The following CCDC69 variants were observed in gnomAD, a reference collection of about 807,000 sequenced individuals.
The protein encoded by CCDC69 is coiled-coil domain containing 69, also known as coiled-coil domain-containing protein 69.
Under a neutral mutation model 40.3 loss-of-function variants are expected in CCDC69, and 38 were observed. The observed-to-expected ratio is 0.94, with a 90% CI of 0.73 to 1.24. The LOEUF is 1.24. Ranked by LOEUF, CCDC69 falls within the 50% of genes most tolerant of loss-of-function variation. CCDC69 has a pLI of 0.00. For synonymous variants in CCDC69, 141 were observed against 138.9 expected, an observed-to-expected ratio of 1.02 and a Z score of -0.11; for missense variants, 389 against 357.9, an observed-to-expected ratio of 1.09 and a Z score of -0.70.
intron 1 of CCDC69, among the ~76,000 whole-genome samples, chr5:151,214,974 T>C (rs1401964495): frequency 6.6e-6 from 1 of 152,214 alleles, no homozygotes; most frequent in Non-Finnish European, 1.5e-5. Flanking sequence ...GCTCCCGTTT[T>C]CTTGTCCCAT....
intron 4 of CCDC69, among the ~76,000 whole-genome samples, chr5:151,197,609 G>T (rs568585569): frequency 1.3e-5 from 2 of 152,128 alleles, no homozygotes; most frequent in Non-Finnish European, 2.9e-5. Flanking sequence ...TCCTTTTGGG[G>T]TGATGGCACT....
At chr5:151,203,442 G>T (rs531211843) in intron 2 of CCDC69, among the ~76,000 whole-genome samples, 1 of 150,866 alleles carries the variant, frequency 6.6e-6, no homozygotes, top group Non-Finnish European at 1.5e-5. Flanking sequence ...CCTGGGAGGC[G>T]GAGGTTGCAG....
rs551332293 is a variant in CCDC69, at chr5:151,183,684, A to G, written c.714-70T>C. ...GCCACAGAGACCAACCCATTCCCCC[A>G]GGAAGCCTTCCTTAGATGGACCAGC... On this transcript the variant is annotated intron_variant, in intron 8 of 8. Coordinates refer to ENST00000355417, the MANE Select transcript of CCDC69 (RefSeq NM_015621.3). 10 of 1,426,520 alleles carry G rather than the reference A, an allele frequency of 7.0e-6. No individual in the cohort carries two copies. The African/African-American group carries it at 1.4e-4, about 20-fold the overall frequency. The allele number at this position is 1,426,520 out of a possible 1,614,324, so 88.4% of individuals were successfully genotyped here.
At chr5:151,220,876 T>C (rs921294611) in intron 1 of CCDC69, among the ~76,000 whole-genome samples, 1 of 152,034 alleles carries the variant, frequency 6.6e-6, no homozygotes, top group Non-Finnish European at 1.5e-5. Flanking sequence ...CCACTGTGGC[T>C]GGCAACTCCC....
At chr5:151,206,206 G>T (rs1752851440) in intron 1 of CCDC69, among the ~76,000 whole-genome samples, 1 of 152,196 alleles carries the variant, frequency 6.6e-6, no homozygotes, top group Admixed American at 6.5e-5. Context: ...GTAAAGGATA[G>T]TACGAAGGAT....
At chr5:151,219,597 G>A (rs903122953) in intron 1 of CCDC69, among the ~76,000 whole-genome samples, 9 of 152,002 alleles carry the variant, frequency 5.9e-5, no homozygotes, top group Non-Finnish European at 1.3e-4. Flanking sequence ...TAAGTAACTG[G>A]AATATAACCA....
chr5:151,223,788 A>G, intron 1 of CCDC69, 135 bp downstream of exon 1: 1 of 805,594 alleles, frequency 1.2e-6, no homozygotes, highest in Non-Finnish European at 1.9e-6. Flanking sequence ...CTCGTCTCTG[A>G]GCTGGCCTCT....
chr5:151,187,305 G>T, intron 5 of CCDC69, 81 bp downstream of exon 5: 2 of 1,281,428 alleles, frequency 1.6e-6, no homozygotes, highest in Non-Finnish European at 2.3e-6. Flanking sequence ...ATCAGTTTTG[G>T]CTGCCTTGGG....
intron 5 of CCDC69, 42 bp from the exon 6 acceptor site, chr5:151,186,166 A>G (rs774388014): frequency 1.5e-6 from 2 of 1,352,800 alleles, no homozygotes; most frequent in South Asian, 2.3e-5. Flanking sequence ...AGCCTGCCTC[A>G]TAAATGCTGT....
In CCDC69 at chr5:151,186,022, C is replaced by T. The variant is rs1254588284; in HGVS notation, c.495+1G>A. The T allele has an allele frequency of 6.2e-7, 1 of 1,611,760 alleles. No individual in the cohort carries two copies. Among genetic ancestry groups the T allele is most frequent in the African/African-American group, 1.3e-5 (1 of 74,854 alleles). On this transcript the variant is annotated splice_donor_variant, in intron 6 of 8. Transcript: ENST00000355417. LOFTEE classifies it high-confidence loss of function. ...AAAGCGCCCAGGGTGCTGCCACCTA[C>T]CTGGATATGTTTCTTATAGTTTCGG...
rs761241013 is a variant in CCDC69, at chr5:151,185,521, C to T, written c.516G>A (p.Gln172=). 2 of 1,614,096 alleles carry T rather than the reference C, an allele frequency of 1.2e-6. No homozygotes were observed. Among genetic ancestry groups the T allele is most frequent in the East Asian group, 4.5e-5 (2 of 44,882 alleles). ...AGCTCTCCAGCTCCTGCTCCCAGAA[C>T]TGGCTGGGGCTCCCATAATCCTAGA... ...KHIQDYGSPS[Q]FWEQELESLH... Residue 172 remains glutamine (Q), a synonymous_variant, in exon 7 of 9, where the codon CAG becomes CAA. Coordinates refer to ENST00000355417, the MANE Select transcript of CCDC69 (RefSeq NM_015621.3).
At chr5:151,210,320 G>A (rs771454807) in intron 1 of CCDC69, among the ~76,000 whole-genome samples, 1 of 152,158 alleles carries the variant, frequency 6.6e-6, no homozygotes, top group Non-Finnish European at 1.5e-5. Context: ...GAGGTGGGTG[G>A]ATCATTTGAG....
Position 151,182,809 on chromosome 5 carries a change from G to A in CCDC69, c.*628C>T, listed in dbSNP as rs1561596328. On this transcript the variant is annotated 3_prime_UTR_variant, in exon 9 of 9. Transcript: ENST00000355417. The stretch of plus-strand genomic sequence containing the variant: ...ATGCCTCAGCTGGGGAGGCTGCCTG[G>A]CCCTGTCAGCCCCAAGGGCCTTCAG... 3 of 342,114 alleles carry A rather than the reference G, an allele frequency of 8.8e-6. No individual in the cohort carries two copies. Among genetic ancestry groups the A allele is most frequent in the East Asian group, 1.6e-4 (2 of 12,880 alleles). The allele number at this position is 342,114 out of a possible 1,614,324, so 21.2% of individuals were successfully genotyped here.
chr5:151,181,634 C>T lies in CCDC69; in HGVS notation c.*1803G>A, dbSNP rs1766630680. The T allele has an allele frequency of 6.6e-6, 1 of 152,246 alleles. No individual in the cohort carries two copies. The highest frequency in any genetic ancestry group is 2.4e-5 in the African/African-American group (1 of 41,456). The allele number at this position is 152,246 out of a possible 1,614,324, so 9.4% of individuals were successfully genotyped here. On this transcript the variant is annotated 3_prime_UTR_variant, in exon 9 of 9. Coordinates refer to ENST00000355417, the MANE Select transcript of CCDC69 (RefSeq NM_015621.3). ...TGGGAGAGGCTGGATACTTAGCTCC[C>T]TTCTTGTAAGTTTGCCACACACATT...
chr5:151,208,797 G>A (rs1455141237), intron 1 of CCDC69, among the ~76,000 whole-genome samples: 1 of 152,232 alleles, frequency 6.6e-6, no homozygotes, highest in Non-Finnish European at 1.5e-5. Context: ...AGATTCTAGT[G>A]CCAGCTCTGT....
chr5:151,192,606 A>G (rs1043377367), intron 4 of CCDC69, among the ~76,000 whole-genome samples: 3 of 152,236 alleles, frequency 2.0e-5, no homozygotes, highest in Non-Finnish European at 4.4e-5. Context: ...TAAAAACGAT[A>G]TAACACCAAT....
chr5:151,188,043 T>C (rs931476691), intron 4 of CCDC69, among the ~76,000 whole-genome samples: 10 of 152,272 alleles, frequency 6.6e-5, no homozygotes, highest in Admixed American at 3.3e-4. Flanking sequence ...AAGGGGTCAT[T>C]TGAGGATCAC....
At chr5:151,221,174 C>G (rs935545635) in intron 1 of CCDC69, among the ~76,000 whole-genome samples, 4 of 152,152 alleles carry the variant, frequency 2.6e-5, no homozygotes, top group Admixed American at 6.5e-5. Flanking sequence ...CCATAGACCA[C>G]AGAACTCAGC....
Position 151,224,078 on chromosome 5 carries a change from C to G in CCDC69, c.-108G>C. On this transcript the variant is annotated 5_prime_UTR_variant, in exon 1 of 9. Transcript: ENST00000355417. ...CGCGCCCGCCGGCTGGGGCTGCCGG[C>G]GAGACCCTGAAACTGAACCTGGAAG... 9.9e-7 allele frequency: 1 copy of G among 1,006,386 alleles called. No homozygotes were observed. The highest frequency in any genetic ancestry group is 1.4e-6 in the Non-Finnish European group (1 of 718,418). 62.3% of individuals were successfully genotyped at this position (1,006,386 alleles called of 1,614,324 possible). A position where few individuals can be genotyped will look rare whatever the true frequency, so the allele number is the denominator to read the frequency against.
Sources: gnomAD v4.1 joint callset for allele counts (sites outside exome capture counted in the v4.1 genomes callset) on GRCh38, gnomAD v4.1.1 for gene constraint, MANE v1.5 for transcripts, NCBI Gene and HGNC (gene_info 2026-07-23, HGNC 2026-07-21) for gene names.